Variants in WWOX observed in about 807,000 individuals in gnomAD.
The protein encoded by WWOX is WW domain-containing oxidoreductase.
WWOX carries 69 observed loss-of-function variants against 46.2 expected under a neutral mutation model. The ratio of observed to expected loss-of-function variants is 1.49; its 90% confidence interval spans 1.23 to 1.82. The LOEUF (loss-of-function observed/expected upper bound fraction) is 1.82. WWOX is among the 40% of genes most tolerant of loss of function. WWOX has a pLI of 0.00. For synonymous variants in WWOX, 359 were observed against 202.6 expected, an observed-to-expected ratio of 1.77 and a Z score of -6.56; for missense variants, 919 against 542.6, an observed-to-expected ratio of 1.69 and a Z score of -6.89.
At chr16:78,744,617 A>G (rs879672497) in intron 8 of WWOX, among the ~76,000 whole-genome samples, 4 of 151,624 alleles carry the variant, frequency 2.6e-5, no homozygotes, top group Admixed American at 1.3e-4. Context: ...TTTTTAGTAG[A>G]GATGAGGTTT....
chr16:78,992,360 T>C (rs1378309159), intron 8 of WWOX, among the ~76,000 whole-genome samples: 2 of 151,998 alleles, frequency 1.3e-5, no homozygotes, highest in African/African-American at 4.8e-5. Context: ...CCAGCTACTC[T>C]GGAGGCTGAG....
chr16:78,556,447 A>G (rs1224366495), intron 8 of WWOX, among the ~76,000 whole-genome samples: 3 of 152,152 alleles, frequency 2.0e-5, no homozygotes, highest in Non-Finnish European at 2.9e-5. Flanking sequence ...GGGAATTTGT[A>G]TGATGGAGCA....
chr16:78,655,136 T>C (rs556576666), intron 8 of WWOX, among the ~76,000 whole-genome samples: 2 of 152,124 alleles, frequency 1.3e-5, no homozygotes, highest in African/African-American at 4.8e-5. Flanking sequence ...CGGCTCAAAC[T>C]AGCTTCGGGG....
chr16:78,377,282 G>A (rs910148345), intron 5 of WWOX, among the ~76,000 whole-genome samples: 39 of 152,206 alleles, frequency 2.6e-4, no homozygotes, highest in Non-Finnish European at 4.9e-4. Context: ...GTCTTCAACT[G>A]TGTATAAAAC....
chr16:79,100,213 C>G (rs567732087), intron 8 of WWOX, among the ~76,000 whole-genome samples: 1 of 152,010 alleles, frequency 6.6e-6, no homozygotes, highest in Non-Finnish European at 1.5e-5. Flanking sequence ...ACAAAATGGA[C>G]CATCCCAGGG....
At position 79,100,501 on chromosome 16, in the gene WWOX, GA is replaced by G. The variant is rs543266124; in HGVS notation, c.1057-111105del. 1.4e-4 allele frequency among the ~76,000 whole-genome samples: 22 copies of G among 152,238 alleles called. No individual in the cohort carries two copies. The South Asian group carries it at 4.6e-3, about 32-fold the overall frequency. On this transcript the variant is annotated intron_variant, in intron 8 of 8. Transcript: ENST00000566780. Reference sequence around the variant, plus strand: ...CAGGCTTGTGTTGGCTTTGACCAATGAAGTAGAACAAGACCTCTGAATACCC... The same window carrying G: ...CAGGCTTGTGTTGGCTTTGACCAATGAGTAGAACAAGACCTCTGAATACCC...
chr16:78,212,777 C>G (rs1331742936), intron 5 of WWOX, among the ~76,000 whole-genome samples: 3 of 152,136 alleles, frequency 2.0e-5, no homozygotes, highest in African/African-American at 7.2e-5. Context: ...AAAAGCCAAC[C>G]TCTTGAGAAA....
At chr16:78,105,623 G>A (rs754870177) in intron 1 of WWOX, among the ~76,000 whole-genome samples, 2 of 152,096 alleles carry the variant, frequency 1.3e-5, no homozygotes, top group East Asian at 1.9e-4. Context: ...AGTGAGTTTT[G>A]TAGTTCCTTT....
intron 6 of WWOX, among the ~76,000 whole-genome samples, chr16:78,396,575 A>C (rs1289220016): frequency 2.0e-5 from 3 of 152,202 alleles, no homozygotes; most frequent in Admixed American, 6.5e-5. Flanking sequence ...CCCACTCCTC[A>C]CAATCCCACC....
At chr16:78,584,687 C>T (rs897743728) in intron 8 of WWOX, among the ~76,000 whole-genome samples, 8 of 152,242 alleles carry the variant, frequency 5.3e-5, no homozygotes, top group East Asian at 3.9e-4. Context: ...AGGAATTTTC[C>T]ATGTGAGAGA....
chr16:78,728,860 C>T (rs965958410), intron 8 of WWOX, among the ~76,000 whole-genome samples: 1 of 152,164 alleles, frequency 6.6e-6, no homozygotes, highest in African/African-American at 2.4e-5. Flanking sequence ...GAGTTTCCTC[C>T]TTGTTACATG....
intron 8 of WWOX, among the ~76,000 whole-genome samples, chr16:78,654,680 T>A (rs1259173037): frequency 6.6e-6 from 1 of 152,172 alleles, no homozygotes; most frequent in African/African-American, 2.4e-5. Flanking sequence ...TGTGTGTGTA[T>A]AAAATTACAT....
At chr16:79,116,501 C>G (rs991623006) in intron 8 of WWOX, among the ~76,000 whole-genome samples, 1 of 152,174 alleles carries the variant, frequency 6.6e-6, no homozygotes, top group Non-Finnish European at 1.5e-5. Context: ...GAGCAAGTTC[C>G]ATTGCAAGAA....
chr16:79,166,113 G>T (rs975474110), intron 8 of WWOX, among the ~76,000 whole-genome samples: 1 of 152,158 alleles, frequency 6.6e-6, no homozygotes, highest in African/African-American at 2.4e-5. Context: ...GACAAGTTGG[G>T]GTATTGCCGA....
chr16:78,443,003 G>C (rs191062014), intron 8 of WWOX, among the ~76,000 whole-genome samples: 3 of 151,888 alleles, frequency 2.0e-5, no homozygotes, highest in African/African-American at 7.3e-5. Flanking sequence ...GGGCGCGGTC[G>C]TGGGTGCCTG....
chr16:79,125,293 C>G (rs538609596), intron 8 of WWOX, among the ~76,000 whole-genome samples: 2 of 152,230 alleles, frequency 1.3e-5, no homozygotes, highest in South Asian at 4.1e-4. Flanking sequence ...TCCAAACCTC[C>G]GTAATTGTCT....
At chr16:78,953,153 C>T (rs543499599) in intron 8 of WWOX, among the ~76,000 whole-genome samples, 2 of 151,940 alleles carry the variant, frequency 1.3e-5, no homozygotes, top group African/African-American at 4.8e-5. Flanking sequence ...TAAGTTAGAG[C>T]CCCTGGGAAG....
chr16:79,066,610 A>G (rs1452924235), intron 8 of WWOX, among the ~76,000 whole-genome samples: 1 of 152,198 alleles, frequency 6.6e-6, no homozygotes. Flanking sequence ...ACAGCTGGCA[A>G]GGCCAGCAGA....
At chr16:78,511,196 T>G (rs2085351699) in intron 8 of WWOX, among the ~76,000 whole-genome samples, 2 of 152,156 alleles carry the variant, frequency 1.3e-5, no homozygotes, top group African/African-American at 4.8e-5. Flanking sequence ...CGGCTGTCAT[T>G]AATGTAAAAG....
Sources: gnomAD v4.1 joint callset for allele counts (sites outside exome capture counted in the v4.1 genomes callset) on GRCh38, gnomAD v4.1.1 for gene constraint, MANE v1.5 for transcripts, NCBI Gene and HGNC (gene_info 2026-07-23, HGNC 2026-07-21) for gene names.